WDR44: variants seen among roughly 807,000 people sequenced by gnomAD.
WDR44 encodes the protein WD repeat domain 44, also known as WD repeat-containing protein 44.
Under a neutral mutation model 65.7 loss-of-function variants are expected in WDR44, and 9 were observed. The ratio of observed to expected loss-of-function variants is 0.14; its 90% CI spans 0.08 to 0.24. The LOEUF (loss-of-function observed/expected upper bound fraction) is 0.24, where lower values mean the gene tolerates loss of function less well. Ranked by LOEUF, WDR44 falls within the 10% of genes least tolerant of loss-of-function variation. WDR44 has a pLI of 1.00. For missense variants in WDR44, 425 were observed against 670.9 expected (o/e 0.63, Z 4.05); for synonymous variants, 220 against 235.2 (o/e 0.94, Z 0.59).
At position 118,404,318 on chromosome X, in the gene WDR44, C is replaced by G; in HGVS notation, c.1275-20C>G. ...ACTTTTACAGTTAACTGAGTTGATA[C>G]TTTTTTCATTTTTGTTAAGGACTCA... On this transcript the variant is annotated intron_variant, in intron 8 of 19. Transcript: ENST00000254029. The G allele has an allele frequency of 8.8e-7, 1 of 1,142,357 alleles. No individual in the cohort carries two copies. Among genetic ancestry groups the G allele is most frequent in the Non-Finnish European group, 1.2e-6 (1 of 839,502 alleles). 94.1% of individuals were successfully genotyped at this position (1,142,357 alleles called of 1,213,427 possible). A position where few individuals can be genotyped will look rare whatever the true frequency, so the allele number is the denominator to read the frequency against.
intron 1 of WDR44, among the ~76,000 whole-genome samples, chrX:118,368,481 A>ATATATATATATATATATATATATATATAT (rs1377849821): frequency 9.4e-5 from 9 of 95,263 alleles, no homozygotes; most frequent in Non-Finnish European, 1.6e-4. Flanking sequence ...ATATATATAT[A>ATATATATATATATATATATATATATATAT]CTTCTTGAGG....
chrX:118,438,634 G>A (rs963115460), intron 14 of WDR44, among the ~76,000 whole-genome samples: 9 of 109,771 alleles, frequency 8.2e-5, no homozygotes, highest in African/African-American at 3.0e-4. Context: ...AGTAGAGACA[G>A]GGTATTGCCA....
chrX:118,388,905 A>G (rs1206097003), intron 3 of WDR44, among the ~76,000 whole-genome samples: 1 of 112,135 alleles, frequency 8.9e-6, no homozygotes, highest in Non-Finnish European at 1.9e-5. Flanking sequence ...ATCAGATTCC[A>G]TCAAGTAAAT....
chrX:118,425,766 T>C (rs1476465685), intron 12 of WDR44, among the ~76,000 whole-genome samples: 1 of 111,945 alleles, frequency 8.9e-6, no homozygotes, highest in Admixed American at 9.5e-5. Context: ...TCCATAGCAA[T>C]CCAACTTTAT....
chrX:118,429,735 G>A (rs745742622), intron 12 of WDR44, among the ~76,000 whole-genome samples: 7 of 110,889 alleles, frequency 6.3e-5, no homozygotes, highest in African/African-American at 2.0e-4. Flanking sequence ...ACAGAGTCTC[G>A]CTCAGGTTCT....
At chrX:118,384,199 A>C (rs2056745771) in intron 2 of WDR44, among the ~76,000 whole-genome samples, 1 of 111,195 alleles carries the variant, frequency 9.0e-6, no homozygotes, top group Non-Finnish European at 1.9e-5. Flanking sequence ...TGAAGAAAAA[A>C]CAGAGCATGC....
rs779647461 is a variant in WDR44, at chrX:118,404,639, G to A, written c.1381+195G>A. Among the ~76,000 whole-genome samples the A allele has an allele frequency of 1.1e-3, 118 of 112,372 alleles. 1 individual carries two copies. The highest frequency in any genetic ancestry group is 1.9e-3 in the Non-Finnish European group (102 of 53,288). ...AAAAATGGATTTATACATATTTTGT[G>A]ACTTTTGACAGTCTGAAATGGTTGA... On this transcript the variant is annotated intron_variant, in intron 9 of 19. Coordinates refer to ENST00000254029, the MANE Select transcript of WDR44 (RefSeq NM_019045.5).
chrX:118,406,755 A>G, intron 9 of WDR44, 120 bp from the exon 10 acceptor site: 3 of 674,320 alleles, frequency 4.4e-6, no homozygotes, highest in Non-Finnish European at 6.4e-6. Flanking sequence ...AGTATGTTAT[A>G]TAATAAATAA....
intron 1 of WDR44, among the ~76,000 whole-genome samples, chrX:118,347,423 G>C (rs2056362057): frequency 8.9e-6 from 1 of 112,109 alleles, no homozygotes; most frequent in African/African-American, 3.2e-5. Context: ...GCTTGACTAG[G>C]ACTTGTATTT....
At chrX:118,397,912 G>A (rs2056879182) in intron 7 of WDR44, among the ~76,000 whole-genome samples, 1 of 112,113 alleles carries the variant, frequency 8.9e-6, no homozygotes, top group Non-Finnish European at 1.9e-5. Flanking sequence ...AATTTCTGAA[G>A]CCTTTAAGTT....
intron 1 of WDR44, among the ~76,000 whole-genome samples, chrX:118,365,358 G>A (rs1221403514): frequency 1.8e-5 from 2 of 110,392 alleles, no homozygotes; most frequent in Non-Finnish European, 3.8e-5. Flanking sequence ...AAATATTTTG[G>A]TGGCCAGTGG....
At chrX:118,354,988 A>G (rs1346504566) in intron 1 of WDR44, among the ~76,000 whole-genome samples, 5 of 112,442 alleles carry the variant, frequency 4.4e-5, no homozygotes, top group Non-Finnish European at 9.4e-5. Context: ...ACTGGTAAGA[A>G]TAGCTGTGGA....
chrX:118,389,832 A>G (rs1220578135), intron 3 of WDR44, among the ~76,000 whole-genome samples: 2 of 109,864 alleles, frequency 1.8e-5, no homozygotes, highest in Non-Finnish European at 3.8e-5. Context: ...CCTAGAGAGC[A>G]AAGTTAGGGC....
chrX:118,438,757 T>G (rs2057275551), intron 14 of WDR44, among the ~76,000 whole-genome samples: 1 of 109,135 alleles, frequency 9.2e-6, no homozygotes. Flanking sequence ...TTGTTTTCCA[T>G]GTGGTATTTT....
intron 1 of WDR44, among the ~76,000 whole-genome samples, chrX:118,350,911 C>T (rs2056398223): frequency 9.0e-6 from 1 of 111,483 alleles, no homozygotes; most frequent in Non-Finnish European, 1.9e-5. Flanking sequence ...GGAAGTGACA[C>T]ATTGCTAATA....
chrX:118,419,166 C>T (rs925286422), intron 12 of WDR44, among the ~76,000 whole-genome samples: 8 of 111,453 alleles, frequency 7.2e-5, no homozygotes, highest in South Asian at 3.8e-4. Flanking sequence ...GTCTGCACAC[C>T]GGATTCGTGC....
intron 1 of WDR44, among the ~76,000 whole-genome samples, chrX:118,375,939 T>G (rs2056655903): frequency 8.9e-6 from 1 of 112,212 alleles, no homozygotes; most frequent in Non-Finnish European, 1.9e-5. Context: ...ATGTCAGCTT[T>G]GGGTGTCTGG....
chrX:118,397,178 T>C, intron 7 of WDR44, 72 bp downstream of exon 7: 1 of 955,481 alleles, frequency 1.0e-6, no homozygotes, highest in Non-Finnish European at 1.4e-6. Flanking sequence ...TAATGAACTA[T>C]GACAACCCCT....
At chrX:118,442,188 C>G (rs933371706) in intron 15 of WDR44, 56 bp from the exon 16 acceptor site, 1 of 1,031,669 alleles carries the variant, frequency 9.7e-7, no homozygotes, top group African/African-American at 1.9e-5. Flanking sequence ...GTTACAGATA[C>G]GAGCCACCAC....
Sources: gnomAD v4.1 joint callset for allele counts (sites outside exome capture counted in the v4.1 genomes callset) on GRCh38, gnomAD v4.1.1 for gene constraint, MANE v1.5 for transcripts, NCBI Gene and HGNC (gene_info 2026-07-23, HGNC 2026-07-21) for gene names.